SGIP1: variants seen among roughly 807,000 people sequenced by gnomAD.
SGIP1 encodes the protein SH3GL interacting endocytic adaptor 1, also known as SH3-containing GRB2-like protein 3-interacting protein 1.
Under a neutral mutation model 107.5 loss-of-function variants are expected in SGIP1, and 38 were observed. The ratio of observed to expected loss-of-function variants is 0.35; its 90% confidence interval spans 0.27 to 0.46. The LOEUF is 0.46. Among genes scored for constraint, SGIP1 ranks in the 20% least tolerant of loss-of-function variants. The pLI is 1.00. For missense variants in SGIP1, 929 were observed against 1,019.5 expected, an observed-to-expected ratio of 0.91 and a Z score of 1.21; for synonymous variants, 365 against 366.1, an observed-to-expected ratio of 1.00 and a Z score of 0.03.
rs540214063 is a variant in SGIP1, at chr1:66,706,878, A to G, written c.1630+11385A>G. 1.1e-4 allele frequency among the ~76,000 whole-genome samples: 17 copies of G among 152,268 alleles called. No homozygotes were observed. In the South Asian group the frequency reaches 3.1e-3, roughly 28 times the overall value. On this transcript the variant is annotated intron_variant, in intron 18 of 24. Coordinates refer to ENST00000371037, the MANE Select transcript of SGIP1 (RefSeq NM_032291.4). ...ACGCTAATATTCCCTTTGACACTTC[A>G]AAGTATTTACAAATAGCTCACAGTT...
chr1:66,677,197 C>T (rs1216695970), intron 13 of SGIP1, 101 bp downstream of exon 13: 6 of 851,224 alleles, frequency 7.0e-6, no homozygotes, highest in Non-Finnish European at 9.6e-6. Flanking sequence ...ATGTAAGCAA[C>T]ATTAGAACTG....
At chr1:66,737,143 G>T (rs2094291759) in intron 21 of SGIP1, among the ~76,000 whole-genome samples, 1 of 152,144 alleles carries the variant, frequency 6.6e-6, no homozygotes, top group East Asian at 1.9e-4. Flanking sequence ...TTTTTTCTCT[G>T]AATGAGAAGT....
chr1:66,682,330 C>T lies in SGIP1; in HGVS notation c.1276C>T (p.Pro426Ser). 1.2e-6 allele frequency: 2 copies of T among 1,614,060 alleles called. No homozygotes were observed. The highest frequency in any genetic ancestry group is 1.7e-6 in the Non-Finnish European group (2 of 1,180,004). The change falls in exon 15 of 25, where the codon CCC becomes TCC. Residue 426 changes from proline to serine, a missense_variant. By Grantham distance (74) the Pro-to-Ser change is moderately conservative. Around this residue, in one of 2 missense-constraint regions of SGIP1, gnomAD observed 588 missense variants for 588.6 expected, o/e 1.00. Transcript: ENST00000371037. ...CACCTACAGGACTGTGGTTTCGTCCCCCGGACCTGGCTCGGGCCCTGGTCC... is the reference window on the plus strand; with the variant it reads ...CACCTACAGGACTGTGGTTTCGTCCTCCGGACCTGGCTCGGGCCCTGGTCC... ...PPTYRTVVSS[P>S]GPGSGPGPGT... is the part of the protein sequence containing the mutation.
chr1:66,539,296 G>A (rs541892609), intron 1 of SGIP1, among the ~76,000 whole-genome samples: 12 of 152,200 alleles, frequency 7.9e-5, no homozygotes, highest in Non-Finnish European at 8.8e-5. Flanking sequence ...GTGAGGCAGA[G>A]GTATTGGGTC....
intron 11 of SGIP1, among the ~76,000 whole-genome samples, chr1:66,672,418 G>A (rs1484451134): frequency 1.3e-5 from 2 of 152,132 alleles, no homozygotes; most frequent in East Asian, 3.8e-4. Context: ...TTAGTTTTTG[G>A]CAAAGCATTG....
At chr1:66,623,443 G>T (rs1424236191) in intron 1 of SGIP1, among the ~76,000 whole-genome samples, 2 of 152,044 alleles carry the variant, frequency 1.3e-5, no homozygotes, top group East Asian at 1.9e-4. Flanking sequence ...TAGAGACGGG[G>T]TTTCACCATG....
chr1:66,686,167 T>C (rs1242448430), intron 15 of SGIP1, among the ~76,000 whole-genome samples: 1 of 152,230 alleles, frequency 6.6e-6, no homozygotes, highest in African/African-American at 2.4e-5. Flanking sequence ...AGCCAGGTTA[T>C]GGTCCCAGAT....
At chr1:66,553,288 C>T (rs1444883890) in intron 1 of SGIP1, among the ~76,000 whole-genome samples, 1 of 152,106 alleles carries the variant, frequency 6.6e-6, no homozygotes, top group African/African-American at 2.4e-5. Flanking sequence ...AAGCCAGCTG[C>T]ATACGAAACT....
intron 1 of SGIP1, among the ~76,000 whole-genome samples, chr1:66,554,986 G>A (rs1330425797): frequency 6.6e-6 from 1 of 152,066 alleles, no homozygotes; most frequent in East Asian, 1.9e-4. Context: ...AACTGGTTAG[G>A]AGAACATTAA....
chr1:66,638,140 T>C (rs1375673145), intron 4 of SGIP1, among the ~76,000 whole-genome samples: 1 of 152,126 alleles, frequency 6.6e-6, no homozygotes, highest in Admixed American at 6.6e-5. Flanking sequence ...ATACATACTT[T>C]CTAAGAAGGA....
At chr1:66,702,894 C>A (rs2092101331) in intron 18 of SGIP1, among the ~76,000 whole-genome samples, 1 of 152,126 alleles carries the variant, frequency 6.6e-6, no homozygotes, top group Non-Finnish European at 1.5e-5. Context: ...AGCTGCACTT[C>A]CCTGGGTGCA....
chr1:66,745,145 T>C lies in SGIP1; in HGVS notation c.*2050T>C, dbSNP rs975093355. The stretch of plus-strand genomic sequence containing the variant: ...TGTTTTATTTTGTATAGATCTAGAA[T>C]GAATTAGTAATTAAACACAAGGGTT... On this transcript the variant is annotated 3_prime_UTR_variant, in exon 25 of 25. Transcript: ENST00000371037. 24 of 152,058 alleles carry C rather than the reference T, an allele frequency of 1.6e-4. No homozygotes were observed. The highest frequency in any genetic ancestry group is 5.8e-4 in the African/African-American group (24 of 41,450). The allele number at this position is 152,058 out of a possible 1,614,324, so 9.4% of individuals were successfully genotyped here.
At chr1:66,552,151 G>A (rs112998413) in intron 1 of SGIP1, among the ~76,000 whole-genome samples, 2 of 152,202 alleles carry the variant, frequency 1.3e-5, no homozygotes, top group South Asian at 2.1e-4. Flanking sequence ...CATCATGATG[G>A]GCTTGTTAAG....
intron 1 of SGIP1, among the ~76,000 whole-genome samples, chr1:66,576,465 C>G (rs1270516418): frequency 6.6e-6 from 1 of 152,102 alleles, no homozygotes; most frequent in Non-Finnish European, 1.5e-5. Flanking sequence ...CCTCAGTGTC[C>G]TCATCTACAA....
At chr1:66,595,023 T>C (rs1027347149) in intron 1 of SGIP1, among the ~76,000 whole-genome samples, 5 of 152,200 alleles carry the variant, frequency 3.3e-5, no homozygotes, top group African/African-American at 9.7e-5. Flanking sequence ...ATGAAGGAGT[T>C]CCTGGCTTGA....
chr1:66,596,365 C>A (rs1230017706), intron 1 of SGIP1, among the ~76,000 whole-genome samples: 1 of 152,000 alleles, frequency 6.6e-6, no homozygotes, highest in African/African-American at 2.4e-5. Context: ...AGGAAAGTCC[C>A]CTGTGTGGCT....
At chr1:66,653,519 G>C (rs2079135994) in intron 7 of SGIP1, among the ~76,000 whole-genome samples, 1 of 152,122 alleles carries the variant, frequency 6.6e-6, no homozygotes, top group Admixed American at 6.6e-5. Context: ...AAATGTAAGG[G>C]TTAGATTTTT....
chr1:66,742,164 C>A lies in SGIP1; in HGVS notation c.2464+728C>A, dbSNP rs554069853. ...AGGTTTAGCTGAGATCTGGGAGAAT[C>A]TATTTTTCACTTTAATAACAAACTC... On this transcript the variant is annotated intron_variant, in intron 24 of 24. Transcript: ENST00000371037. Among the ~76,000 whole-genome samples the A allele has an allele frequency of 5.3e-5, 8 of 152,276 alleles. No homozygotes were observed. In the East Asian group the frequency reaches 1.5e-3, roughly 29 times the overall value.
chr1:66,674,345 A>G (rs1315856941), intron 12 of SGIP1, among the ~76,000 whole-genome samples: 1 of 152,200 alleles, frequency 6.6e-6, no homozygotes, highest in Non-Finnish European at 1.5e-5. Context: ...TCAGCTCTCT[A>G]TAAAATGGAT....
Sources: gnomAD v4.1 joint callset for allele counts (sites outside exome capture counted in the v4.1 genomes callset) on GRCh38, gnomAD v4.1.1 for gene constraint, gnomAD v4.1.1 regional missense constraint, MANE v1.5 for transcripts, NCBI Gene and HGNC (gene_info 2026-07-23, HGNC 2026-07-21) for gene names.